CEP128: variants seen among roughly 807,000 people sequenced by gnomAD.
CEP128 encodes the protein centrosomal protein 128, also known as centrosomal protein 128kDa.
In CEP128, 132 loss-of-function variants were observed where a neutral mutation model predicts 156.7. That is an observed-to-expected ratio of 0.84 (90% CI 0.73 to 0.97). The LOEUF (loss-of-function observed/expected upper bound fraction) is 0.97. Among genes scored for constraint, CEP128 ranks in the 50% least tolerant of loss-of-function variants. CEP128 has a pLI of 0.00. For synonymous variants in CEP128, 469 were observed against 448.9 expected, an observed-to-expected ratio of 1.04 and a Z score of -0.57; for missense variants, 1,252 against 1,281.9, an observed-to-expected ratio of 0.98 and a Z score of 0.36.
chr14:80,805,226 T>G lies in CEP128; in HGVS notation c.1210-12116A>C, dbSNP rs1884108109. 2.0e-5 allele frequency among the ~76,000 whole-genome samples: 3 copies of G among 151,990 alleles called. No individual in the cohort carries two copies. In the South Asian group the frequency reaches 6.2e-4, roughly 32 times the overall value. On this transcript the variant is annotated intron_variant, in intron 13 of 24. Coordinates refer to ENST00000555265, the MANE Select transcript of CEP128 (RefSeq NM_152446.5). ...TGGGATAAAAATTAGGATCTGTCAA[T>G]TAGATGCAATGTTTAGAGATTTGGA...
intron 19 of CEP128, among the ~76,000 whole-genome samples, chr14:80,730,827 G>A (rs1014302592): frequency 2.0e-5 from 3 of 152,138 alleles, no homozygotes; most frequent in African/African-American, 7.2e-5. Context: ...TTTGATCTTA[G>A]TTTCCTCTTT....
chr14:80,857,619 T>C (rs1887254824), intron 9 of CEP128, among the ~76,000 whole-genome samples: 1 of 151,626 alleles, frequency 6.6e-6, no homozygotes, highest in Non-Finnish European at 1.5e-5. Context: ...TGCCTGCCTG[T>C]AGTCCCAGCT....
At chr14:80,761,288 A>T in intron 17 of CEP128, 149 bp downstream of exon 17, 1 of 532,872 alleles carries the variant, frequency 1.9e-6, no homozygotes, top group Non-Finnish European at 3.2e-6. Flanking sequence ...CAATAGATCC[A>T]GCGCCTTATT....
At chr14:80,857,985 G>C (rs1241069581) in intron 9 of CEP128, among the ~76,000 whole-genome samples, 1 of 152,132 alleles carries the variant, frequency 6.6e-6, no homozygotes, top group Non-Finnish European at 1.5e-5. Context: ...GTAATTTACA[G>C]ATTCAATGCC....
At chr14:80,588,483 G>A (rs1891912773) in intron 19 of CEP128, among the ~76,000 whole-genome samples, 1 of 152,010 alleles carries the variant, frequency 6.6e-6, no homozygotes, top group African/African-American at 2.4e-5. Flanking sequence ...AATGATTAGA[G>A]ATAGTTTTAA....
rs1295855958 is a variant in CEP128 at position 80,831,300 on chromosome 14, A to C, written c.1058-6T>G. The stretch of plus-strand genomic sequence containing the variant: ...CTGTTTTTCCCGCTCAACCCCTTAA[A>C]AGATAAAATGTAAGGCTCAAGGGTT... On this transcript the variant is annotated splice_region_variant and splice_polypyrimidine_tract_variant and intron_variant, in intron 12 of 24. Transcript: ENST00000555265. 1 of 1,613,786 alleles carries C rather than the reference A, an allele frequency of 6.2e-7. No homozygotes were observed. The highest frequency in any genetic ancestry group is 1.7e-5 in the Admixed American group (1 of 59,992).
At chr14:80,765,366 C>T (rs1285491680) in intron 16 of CEP128, among the ~76,000 whole-genome samples, 1 of 152,146 alleles carries the variant, frequency 6.6e-6, no homozygotes, top group Non-Finnish European at 1.5e-5. Context: ...TGAAGTTAAT[C>T]CAAGTATCCT....
chr14:80,800,903 T>C (rs1883803713), intron 13 of CEP128, among the ~76,000 whole-genome samples: 1 of 152,194 alleles, frequency 6.6e-6, no homozygotes, highest in South Asian at 2.1e-4. Flanking sequence ...ACTACTCTGT[T>C]CAGCAAGACC....
At chr14:80,662,483 A>G (rs1566841550) in intron 19 of CEP128, among the ~76,000 whole-genome samples, 1 of 152,158 alleles carries the variant, frequency 6.6e-6, no homozygotes, top group African/African-American at 2.4e-5. Context: ...GAGTGAAGAC[A>G]GACTATCAAA....
At chr14:80,588,587 CTTGA>C (rs1365290345) in intron 19 of CEP128, among the ~76,000 whole-genome samples, 1 of 152,018 alleles carries the variant, frequency 6.6e-6, no homozygotes, top group African/African-American at 2.4e-5. Context: ...CAGTTTTAAA[CTTGA>C]TTGGTCAACA....
chr14:80,945,207 A>T (rs1240420848), upstream of CEP128, among the ~76,000 whole-genome samples: 1 of 152,172 alleles, frequency 6.6e-6, no homozygotes. Context: ...GTATCCTCAG[A>T]TAGGCTTTTC....
chr14:80,794,938 C>G (rs932835643), intron 13 of CEP128, among the ~76,000 whole-genome samples: 1 of 152,078 alleles, frequency 6.6e-6, no homozygotes, highest in Admixed American at 6.6e-5. Flanking sequence ...ATTGAGTACT[C>G]GAGTTATACC....
chr14:80,933,374 A>T (rs2195102), intron 2 of CEP128, among the ~76,000 whole-genome samples: 1 of 152,042 alleles, frequency 6.6e-6, no homozygotes, highest in African/African-American at 2.4e-5. Flanking sequence ...CTCTAAGTTT[A>T]TATCTCCTTT....
intron 2 of CEP128, among the ~76,000 whole-genome samples, chr14:80,933,922 T>C (rs1360508732): frequency 6.6e-6 from 1 of 152,206 alleles, no homozygotes; most frequent in Non-Finnish European, 1.5e-5. Flanking sequence ...GGAATATTTA[T>C]GTGTGGGAAA....
chr14:80,831,974 C>T (rs1885825274), intron 12 of CEP128, among the ~76,000 whole-genome samples: 1 of 152,196 alleles, frequency 6.6e-6, no homozygotes, highest in South Asian at 2.1e-4. Context: ...GTAATTCCCA[C>T]ATGTTGTGGG....
chr14:80,932,276 A>G (rs546423712), intron 2 of CEP128, among the ~76,000 whole-genome samples: 1 of 152,370 alleles, frequency 6.6e-6, no homozygotes, highest in South Asian at 2.1e-4. Flanking sequence ...AGAATGGACC[A>G]ACATACTTCT....
chr14:80,529,252 C>T (rs1251089318), intron 22 of CEP128, among the ~76,000 whole-genome samples: 1 of 152,156 alleles, frequency 6.6e-6, no homozygotes. Flanking sequence ...TAACTCTTTC[C>T]CTTTTCAAGC....
At chr14:80,669,220 A>G (rs1256564605) in intron 19 of CEP128, among the ~76,000 whole-genome samples, 1 of 152,222 alleles carries the variant, frequency 6.6e-6, no homozygotes, top group Non-Finnish European at 1.5e-5. Context: ...AAATACTAGA[A>G]GAAAATCTAG....
chr14:80,647,253 T>C (rs1894704586), intron 19 of CEP128, among the ~76,000 whole-genome samples: 1 of 151,490 alleles, frequency 6.6e-6, no homozygotes, highest in African/African-American at 2.4e-5. Context: ...CTAAGTTTCT[T>C]GCAATCTGCT....
Sources: gnomAD v4.1 joint callset for allele counts (sites outside exome capture counted in the v4.1 genomes callset) on GRCh38, gnomAD v4.1.1 for gene constraint, MANE v1.5 for transcripts, NCBI Gene and HGNC (gene_info 2026-07-23, HGNC 2026-07-21) for gene names.